Variants in KLHL29 observed in about 807,000 individuals in gnomAD.
KLHL29 encodes kelch-like protein 29.
In KLHL29, 21 loss-of-function variants were observed where a neutral mutation model predicts 80.4. The ratio of observed to expected loss-of-function variants is 0.26; its 90% CI spans 0.19 to 0.38. The LOEUF (loss-of-function observed/expected upper bound fraction) is 0.38, where lower values mean the gene tolerates loss of function less well. KLHL29 is among the 10% of genes least tolerant of loss of function. KLHL29 has a pLI of 1.00. For missense variants in KLHL29, 867 were observed against 1,223.9 expected, an observed-to-expected ratio of 0.71 and a Z score of 4.35; for synonymous variants, 511 against 526.8, an observed-to-expected ratio of 0.97 and a Z score of 0.41.
chr2:23,516,558 G>A (rs1404157015), intron 2 of KLHL29, among the ~76,000 whole-genome samples: 1 of 152,162 alleles, frequency 6.6e-6, no homozygotes, highest in South Asian at 2.1e-4. Context: ...AGCAAGCTAG[G>A]TTATGATTAT....
intron 2 of KLHL29, among the ~76,000 whole-genome samples, chr2:23,519,404 C>T (rs1247883670): frequency 2.0e-5 from 3 of 147,950 alleles, no homozygotes; most frequent in African/African-American, 7.3e-5. Context: ...CCCATGGCAT[C>T]CGATGACTCC....
At chr2:23,631,328 A>G (rs1669463483) in intron 3 of KLHL29, among the ~76,000 whole-genome samples, 1 of 143,706 alleles carries the variant, frequency 7.0e-6, no homozygotes, top group Admixed American at 6.9e-5. Context: ...CAAGATTGAA[A>G]TTAAAATTTA....
intron 1 of KLHL29, among the ~76,000 whole-genome samples, chr2:23,462,027 A>C (rs1176660233): frequency 6.8e-6 from 1 of 148,062 alleles, no homozygotes; most frequent in Non-Finnish European, 1.5e-5. Context: ...CCAACCTAAT[A>C]GAAGGGGCTG....
rs1259740465 is a variant in KLHL29 at position 23,674,315 on chromosome 2, G to A, written c.941-10084G>A. Among the ~76,000 whole-genome samples the A allele has an allele frequency of 2.6e-5, 4 of 151,804 alleles. No homozygotes were observed. The East Asian group carries it at 5.8e-4, about 22-fold the overall frequency. On this transcript the variant is annotated intron_variant, in intron 5 of 13. Transcript: ENST00000486442. ...AAACAAAGGGGCCAAACAGACACAA[G>A]CCATCTGAGGTTCCCAGAACTTGGG...
chr2:23,440,974 A>G (rs1276834079), intron 1 of KLHL29, among the ~76,000 whole-genome samples: 3 of 152,236 alleles, frequency 2.0e-5, no homozygotes, highest in East Asian at 3.8e-4. Context: ...CCATCCCATT[A>G]CTGGGTATAT....
intron 5 of KLHL29, among the ~76,000 whole-genome samples, chr2:23,671,664 A>T (rs1293136653): frequency 1.3e-5 from 2 of 151,872 alleles, no homozygotes; most frequent in African/African-American, 4.8e-5. Flanking sequence ...GCCCCTCCCT[A>T]CACCCCACAA....
chr2:23,526,455 G>A (rs982150679), intron 2 of KLHL29, among the ~76,000 whole-genome samples: 6 of 152,256 alleles, frequency 3.9e-5, no homozygotes, highest in African/African-American at 1.4e-4. Context: ...GGGGCCGGGG[G>A]AGGAGAGCCT....
chr2:23,535,226 A>G (rs1471484061), intron 2 of KLHL29, among the ~76,000 whole-genome samples: 1 of 152,262 alleles, frequency 6.6e-6, no homozygotes, highest in African/African-American at 2.4e-5. Flanking sequence ...TCTGGGAGGA[A>G]AAGAGACAGA....
At chr2:23,455,548 C>T (rs1664025730) in intron 1 of KLHL29, among the ~76,000 whole-genome samples, 1 of 151,078 alleles carries the variant, frequency 6.6e-6, no homozygotes, top group Non-Finnish European at 1.5e-5. Flanking sequence ...TGAGGACAGG[C>T]AGACAAGTTT....
At chr2:23,498,222 C>T (rs1665327626) in intron 2 of KLHL29, among the ~76,000 whole-genome samples, 1 of 152,202 alleles carries the variant, frequency 6.6e-6, no homozygotes, top group Admixed American at 6.5e-5. Flanking sequence ...GGATGTAGAA[C>T]TCATCACCAG....
intron 11 of KLHL29, chr2:23,697,866 C>T (rs190589237): frequency 1.3e-5 from 2 of 152,226 alleles, no homozygotes; most frequent in African/African-American, 4.8e-5. Context: ...GGCTTCCGAT[C>T]ATTTGTCATC....
intron 8 of KLHL29, among the ~76,000 whole-genome samples, chr2:23,694,384 G>A (rs989362846): frequency 1.3e-5 from 2 of 151,612 alleles, no homozygotes; most frequent in South Asian, 2.1e-4. Flanking sequence ...TCCTCCTCTC[G>A]CCAGGATTAC....
At chr2:23,673,130 C>T (rs1670814948) in intron 5 of KLHL29, among the ~76,000 whole-genome samples, 1 of 152,130 alleles carries the variant, frequency 6.6e-6, no homozygotes, top group African/African-American at 2.4e-5. Flanking sequence ...CTGCTTCTCA[C>T]ATGCCAGGCC....
At chr2:23,410,490 T>C (rs1666837085) in intron 1 of KLHL29, among the ~76,000 whole-genome samples, 1 of 152,132 alleles carries the variant, frequency 6.6e-6, no homozygotes, top group Admixed American at 6.5e-5. Context: ...GTGTGAGGAC[T>C]CCTGAGGCAT....
intron 3 of KLHL29, among the ~76,000 whole-genome samples, chr2:23,628,274 G>A (rs954111557): frequency 2.0e-5 from 3 of 152,186 alleles, no homozygotes; most frequent in Non-Finnish European, 4.4e-5. Flanking sequence ...GGGAGTCGCA[G>A]ATAATGGAGA....
intron 3 of KLHL29, among the ~76,000 whole-genome samples, chr2:23,611,565 C>G (rs1473317829): frequency 6.6e-6 from 1 of 152,172 alleles, no homozygotes; most frequent in East Asian, 1.9e-4. Context: ...CCATCTTGAC[C>G]TCAAATTATT....
chr2:23,451,044 C>T (rs1157046726), intron 1 of KLHL29, among the ~76,000 whole-genome samples: 2 of 152,186 alleles, frequency 1.3e-5, no homozygotes, highest in Non-Finnish European at 1.5e-5. Context: ...TACAATAATG[C>T]GGTCTTTTGT....
chr2:23,407,863 A>G (rs1426694413), intron 1 of KLHL29, among the ~76,000 whole-genome samples: 1 of 152,066 alleles, frequency 6.6e-6, no homozygotes, highest in Non-Finnish European at 1.5e-5. Flanking sequence ...GTCCTCCCTG[A>G]TTTGAAATGC....
At chr2:23,627,162 G>T (rs550913999) in intron 3 of KLHL29, among the ~76,000 whole-genome samples, 10 of 152,188 alleles carry the variant, frequency 6.6e-5, no homozygotes, top group Non-Finnish European at 2.9e-5. Flanking sequence ...GCCTCCTGCC[G>T]TGGGCCTCCA....
Sources: gnomAD v4.1 joint callset for allele counts (sites outside exome capture counted in the v4.1 genomes callset) on GRCh38, gnomAD v4.1.1 for gene constraint, MANE v1.5 for transcripts, NCBI Gene and HGNC (gene_info 2026-07-23, HGNC 2026-07-21) for gene names.